Variants in FOXO3 observed in about 807,000 individuals in gnomAD.
FOXO3 encodes the protein forkhead box protein O3.
Under a neutral mutation model 41.9 loss-of-function variants are expected in FOXO3, and 4 were observed. The observed-to-expected ratio is 0.10, with a 90% CI of 0.05 to 0.22. The LOEUF (loss-of-function observed/expected upper bound fraction) is 0.22, where lower values mean the gene tolerates loss of function less well. FOXO3 is among the 10% of genes least tolerant of loss of function. The pLI is 1.00. For missense variants in FOXO3, 534 were observed against 906.8 expected, an observed-to-expected ratio of 0.59 and a Z score of 5.28; for synonymous variants, 318 against 389.3, an observed-to-expected ratio of 0.82 and a Z score of 2.16.
chr6:108,592,761 C>T (rs772042831), intron 1 of FOXO3, among the ~76,000 whole-genome samples: 2 of 152,074 alleles, frequency 1.3e-5, no homozygotes, highest in South Asian at 2.1e-4. Context: ...TGGCATTTGT[C>T]GGCCACAGCT....
At chr6:108,575,450 TA>T (rs1421252145) in intron 1 of FOXO3, among the ~76,000 whole-genome samples, 2 of 151,894 alleles carry the variant, frequency 1.3e-5, no homozygotes, top group Non-Finnish European at 2.9e-5. Flanking sequence ...GATGGTTTCA[TA>T]GAGTAAAACA....
chr6:108,584,694 A>G (rs1004868135), intron 1 of FOXO3, among the ~76,000 whole-genome samples: 4 of 152,150 alleles, frequency 2.6e-5, no homozygotes, highest in African/African-American at 2.4e-5. Context: ...GGAAACTTGC[A>G]TTTACTAGGA....
intron 2 of FOXO3, among the ~76,000 whole-genome samples, chr6:108,668,051 T>C (rs1471106332): frequency 6.6e-6 from 1 of 152,246 alleles, no homozygotes; most frequent in African/African-American, 2.4e-5. Flanking sequence ...GAGGTCAGAC[T>C]CTGACACCCT....
intron 1 of FOXO3, among the ~76,000 whole-genome samples, chr6:108,660,477 T>C (rs1778811158): frequency 6.6e-6 from 1 of 152,198 alleles, no homozygotes; most frequent in African/African-American, 2.4e-5. Context: ...TGCTAATGCT[T>C]ATTGCCTATC....
chr6:108,575,701 A>G (rs1280283244), intron 1 of FOXO3, among the ~76,000 whole-genome samples: 1 of 152,176 alleles, frequency 6.6e-6, no homozygotes, highest in African/African-American at 2.4e-5. Flanking sequence ...TTTTTGCAGT[A>G]GAAAAACTTC....
chr6:108,618,261 C>T, intron 1 of FOXO3: 1 of 759,316 alleles, frequency 1.3e-6, no homozygotes, highest in South Asian at 1.4e-5. Flanking sequence ...GTCTTGACTC[C>T]TTCCTGGGGC....
At position 108,643,325 on chromosome 6, in the gene FOXO3, A is replaced by G. The variant is rs570403962; in HGVS notation, c.622-20130A>G. On this transcript the variant is annotated intron_variant, in intron 1 of 2. Coordinates refer to ENST00000406360, the MANE Select transcript of FOXO3 (RefSeq NM_001455.4). ...CAAATTAAAACTGGCTGGAGGCAGA[A>G]GGGACAGGAAAGGACCTGGGGAATG... 1.5e-4 allele frequency among the ~76,000 whole-genome samples: 23 copies of G among 152,332 alleles called. No individual in the cohort carries two copies. The East Asian group carries it at 4.4e-3, about 29-fold the overall frequency.
At chr6:108,638,680 G>A (rs1019694258) in intron 1 of FOXO3, among the ~76,000 whole-genome samples, 2 of 152,110 alleles carry the variant, frequency 1.3e-5, no homozygotes, top group East Asian at 1.9e-4. Context: ...GACAACAGAC[G>A]ACTTGGGCAA....
chr6:108,634,886 AAT>A (rs1350841605), intron 1 of FOXO3, among the ~76,000 whole-genome samples: 1 of 152,110 alleles, frequency 6.6e-6, no homozygotes, highest in East Asian at 1.9e-4. Flanking sequence ...AAAGTTTAAA[AAT>A]ATGCGAGCAG....
At chr6:108,569,004 G>A (rs1776019766) in intron 1 of FOXO3, among the ~76,000 whole-genome samples, 1 of 152,200 alleles carries the variant, frequency 6.6e-6, no homozygotes, top group Non-Finnish European at 1.5e-5. Context: ...ATGCAGTGTC[G>A]AGAAAGTCAC....
At chr6:108,650,781 T>C (rs1213429391) in intron 1 of FOXO3, among the ~76,000 whole-genome samples, 1 of 152,216 alleles carries the variant, frequency 6.6e-6, no homozygotes, top group Non-Finnish European at 1.5e-5. Flanking sequence ...AAAAATGCAA[T>C]CAGTGCCTAG....
At chr6:108,602,893 T>C (rs1395976139) in intron 1 of FOXO3, among the ~76,000 whole-genome samples, 1 of 152,168 alleles carries the variant, frequency 6.6e-6, no homozygotes, top group Non-Finnish European at 1.5e-5. Context: ...CTCTTTATGC[T>C]GAAGTGTTTT....
rs1302749642 is a variant in FOXO3 at position 108,684,619 on chromosome 6, G to T, written c.*4827G>T. ...TTAAGGATCAAAACCAGTTTGATTT[G>T]GGAATCTTCCCCTTTCCAAATGAAA... On this transcript the variant is annotated 3_prime_UTR_variant, in exon 3 of 3. Transcript: ENST00000406360. 6.6e-6 allele frequency: 1 copy of T among 152,536 alleles called. No individual in the cohort carries two copies. Among genetic ancestry groups the T allele is most frequent in the African/African-American group, 2.4e-5 (1 of 41,404 alleles). 9.4% of individuals were successfully genotyped at this position (152,536 alleles called of 1,614,324 possible).
intron 1 of FOXO3, among the ~76,000 whole-genome samples, chr6:108,632,582 G>A (rs922443770): frequency 1.3e-5 from 2 of 152,052 alleles, no homozygotes; most frequent in African/African-American, 4.8e-5. Flanking sequence ...TGGGACCTGC[G>A]GAAATCCCTC....
At chr6:108,564,509 C>T (rs1003900302) in intron 1 of FOXO3, among the ~76,000 whole-genome samples, 2 of 152,212 alleles carry the variant, frequency 1.3e-5, no homozygotes, top group African/African-American at 4.8e-5. Flanking sequence ...AGGTTAACGT[C>T]TCCTAGTCAT....
rs1164221461 is a variant in FOXO3, at chr6:108,656,580, T to TAC, written c.622-6874_622-6873insCA. 5 of 907,060 alleles carry TAC rather than the reference T, an allele frequency of 5.5e-6. No homozygotes were observed. In the East Asian group the frequency reaches 5.9e-4, roughly 107 times the overall value. 56.2% of individuals were successfully genotyped at this position (907,060 alleles called of 1,614,324 possible). On this transcript the variant is annotated intron_variant, in intron 1 of 2. Coordinates refer to ENST00000406360, the MANE Select transcript of FOXO3 (RefSeq NM_001455.4). ...GATGTCACTGCTTCCGTGTGGGATC[T>TAC]AACAGTTGTTGGGAGCTGCTTTTGT... is the stretch of plus-strand genomic sequence containing the variant.
intron 1 of FOXO3, among the ~76,000 whole-genome samples, chr6:108,649,869 A>G (rs956149901): frequency 6.6e-6 from 1 of 152,002 alleles, no homozygotes; most frequent in African/African-American, 2.4e-5. Flanking sequence ...GTTACTTTGA[A>G]CCTGAAAATG....
At chr6:108,655,251 A>G (rs1034045893) in intron 1 of FOXO3, among the ~76,000 whole-genome samples, 2 of 152,196 alleles carry the variant, frequency 1.3e-5, no homozygotes, top group African/African-American at 2.4e-5. Flanking sequence ...CATGATTTTC[A>G]AAAGAAAAGC....
At chr6:108,626,298 C>CA (rs1368999722) in intron 1 of FOXO3, among the ~76,000 whole-genome samples, 1 of 152,184 alleles carries the variant, frequency 6.6e-6, no homozygotes, top group African/African-American at 2.4e-5. Flanking sequence ...CTGCCGGACT[C>CA]AGAGTTGAGG....
Sources: allele counts gnomAD v4.1 joint callset (sites outside exome capture counted in the v4.1 genomes callset), GRCh38; gene constraint gnomAD v4.1.1; transcripts MANE v1.5; gene names NCBI Gene and HGNC (gene_info 2026-07-23, HGNC 2026-07-21).